The following ADAMTSL1 variants were observed in gnomAD, a reference collection of about 807,000 sequenced individuals.
The protein encoded by ADAMTSL1 is ADAMTS like 1.
ADAMTSL1 carries 126 observed loss-of-function variants against 201.8 expected under a neutral mutation model. That is an observed-to-expected ratio of 0.62 (90% CI 0.54 to 0.72). The LOEUF (loss-of-function observed/expected upper bound fraction) is 0.72. Among genes scored for constraint, ADAMTSL1 ranks in the 30% least tolerant of loss-of-function variants. ADAMTSL1 has a pLI of 0.00. For synonymous variants in ADAMTSL1, 1,121 were observed against 903.4 expected (o/e 1.24, Z -4.32); for missense variants, 2,679 against 2,277.8 (o/e 1.18, Z -3.59).
At chr9:18,778,575 A>G (rs1019030560) in intron 19 of ADAMTSL1, among the ~76,000 whole-genome samples, 1 of 152,170 alleles carries the variant, frequency 6.6e-6, no homozygotes, top group East Asian at 1.9e-4. Flanking sequence ...AATTAATAAT[A>G]TTTTTTACCG....
chr9:18,175,844 T>C (rs571942132), intron 2 of ADAMTSL1, among the ~76,000 whole-genome samples: 1 of 151,934 alleles, frequency 6.6e-6, no homozygotes, highest in African/African-American at 2.4e-5. Flanking sequence ...TACACAGATA[T>C]GGAGAATCCT....
At chr9:17,971,835 AAGAC>A (rs1447648118) in intron 1 of ADAMTSL1, among the ~76,000 whole-genome samples, 39 of 152,054 alleles carry the variant, frequency 2.6e-4, no homozygotes, top group African/African-American at 9.2e-4. Context: ...TATGGGGAAA[AAGAC>A]AACTTAAAGC....
At chr9:18,597,955 C>T (rs1038971341) in intron 4 of ADAMTSL1, among the ~76,000 whole-genome samples, 1 of 152,156 alleles carries the variant, frequency 6.6e-6, no homozygotes. Context: ...CCTGTCATCT[C>T]TATTGCCTCT....
At chr9:18,548,732 C>G (rs1820621395) in intron 3 of ADAMTSL1, among the ~76,000 whole-genome samples, 2 of 151,616 alleles carry the variant, frequency 1.3e-5, no homozygotes, top group African/African-American at 4.8e-5. Context: ...TGAAAAGAAA[C>G]ACATTAAGAA....
At chr9:18,018,634 A>T (rs541694452) in intron 1 of ADAMTSL1, among the ~76,000 whole-genome samples, 1 of 152,168 alleles carries the variant, frequency 6.6e-6, no homozygotes, top group African/African-American at 2.4e-5. Context: ...GATAAACCCC[A>T]TATGCAAACC....
In ADAMTSL1 at chr9:18,465,817, TGGCTCACTGCAACCTCC is replaced by T. The variant is rs199634399; in HGVS notation, c.208-39010_208-38994del. Reference sequence around the variant, plus strand: ...AGGCTGGGGTGCAGTGGCACGATCTTGGCTCACTGCAACCTCCGCCTCCTGGGTTCAAGCAATTCTTC... The same window carrying T: ...AGGCTGGGGTGCAGTGGCACGATCTTGCCTCCTGGGTTCAAGCAATTCTTC... On this transcript the variant is annotated intron_variant, in intron 2 of 29. Coordinates refer to the ADAMTSL1 transcript ENST00000680146. Among the ~76,000 whole-genome samples the T allele has an allele frequency of 7.3e-3, 1,118 of 152,308 alleles. 9 individuals are homozygous for T. The highest frequency in any genetic ancestry group is 0.016 in the South Asian group (78 of 4,828).
intron 1 of ADAMTSL1, among the ~76,000 whole-genome samples, chr9:17,939,434 G>A (rs1827142869): frequency 6.6e-6 from 1 of 151,582 alleles, no homozygotes; most frequent in South Asian, 2.1e-4. Flanking sequence ...TGTATTCAAT[G>A]TCTAAAATAC....
chr9:18,727,296 C>G (rs1176558411), intron 15 of ADAMTSL1, among the ~76,000 whole-genome samples: 1 of 152,230 alleles, frequency 6.6e-6, no homozygotes. Flanking sequence ...CTGCTGTACT[C>G]CTAAATTTCC....
At chr9:18,289,145 C>CTATA (rs1349844999) in intron 2 of ADAMTSL1, among the ~76,000 whole-genome samples, 2 of 101,636 alleles carry the variant, frequency 2.0e-5, no homozygotes, top group Admixed American at 2.5e-4. Context: ...GTCTATCTAT[C>CTATA]TATCTATCTA....
intron 2 of ADAMTSL1, among the ~76,000 whole-genome samples, chr9:18,350,778 G>A (rs1194538589): frequency 1.3e-5 from 2 of 152,100 alleles, no homozygotes; most frequent in Non-Finnish European, 2.9e-5. Context: ...AGAGACAGGG[G>A]TGAATTGGAA....
At chr9:18,831,676 C>T (rs1471705776) in intron 23 of ADAMTSL1, among the ~76,000 whole-genome samples, 2 of 152,188 alleles carry the variant, frequency 1.3e-5, no homozygotes, top group African/African-American at 2.4e-5. Context: ...TTAAGAGACA[C>T]CTTAAATTCC....
chr9:18,322,692 G>A (rs1242621004), intron 2 of ADAMTSL1, among the ~76,000 whole-genome samples: 1 of 151,874 alleles, frequency 6.6e-6, no homozygotes, highest in African/African-American at 2.4e-5. Context: ...TACCAATAGA[G>A]GAGACAAGAA....
chr9:18,527,307 A>G (rs933719197), intron 2 of ADAMTSL1, among the ~76,000 whole-genome samples: 2 of 152,204 alleles, frequency 1.3e-5, no homozygotes, highest in Admixed American at 1.3e-4. Context: ...TGAGCCTAAT[A>G]TAAGTGCAAT....
chr9:18,793,164 T>G (rs186509298), intron 19 of ADAMTSL1: 5 of 152,356 alleles, frequency 3.3e-5, no homozygotes, highest in Admixed American at 2.0e-4. Context: ...AACTAAGGTG[T>G]CTATTTCCTT....
intron 23 of ADAMTSL1, among the ~76,000 whole-genome samples, chr9:18,846,904 A>T (rs948193905): frequency 1.3e-5 from 2 of 152,196 alleles, no homozygotes; most frequent in African/African-American, 4.8e-5. Context: ...TTTCTCACTG[A>T]AACTCTCATG....
intron 2 of ADAMTSL1, among the ~76,000 whole-genome samples, chr9:18,384,090 G>A (rs1837679470): frequency 6.6e-6 from 1 of 152,084 alleles, no homozygotes; most frequent in Non-Finnish European, 1.5e-5. Context: ...TTGAGACCAG[G>A]GCTATAAAGA....
chr9:18,372,553 A>G (rs990607966), intron 2 of ADAMTSL1, among the ~76,000 whole-genome samples: 16 of 152,234 alleles, frequency 1.1e-4, no homozygotes, highest in African/African-American at 3.9e-4. Context: ...AGGTCTTCAG[A>G]CCCCTAGTTC....
intron 15 of ADAMTSL1, among the ~76,000 whole-genome samples, chr9:18,722,401 A>G (rs761119174): frequency 3.3e-5 from 5 of 152,332 alleles, no homozygotes; most frequent in Non-Finnish European, 7.3e-5. Context: ...GATGGAATGA[A>G]GAAATGTTGC....
At chr9:18,124,135 T>C (rs1418449447) in intron 1 of ADAMTSL1, among the ~76,000 whole-genome samples, 1 of 134,268 alleles carries the variant, frequency 7.4e-6, no homozygotes, top group African/African-American at 2.8e-5. Flanking sequence ...CAGTATGGAG[T>C]GCAGTGGCTC....
Sources: gnomAD v4.1 joint callset for allele counts (sites outside exome capture counted in the v4.1 genomes callset) on GRCh38, gnomAD v4.1.1 for gene constraint, MANE v1.5 for transcripts, NCBI Gene and HGNC (gene_info 2026-07-23, HGNC 2026-07-21) for gene names.